NONO: variants seen among roughly 807,000 people sequenced by gnomAD.
NONO encodes non-POU domain containing octamer binding, also known as non-POU domain-containing octamer-binding protein.
NONO carries 6 observed loss-of-function variants against 40.2 expected under a neutral mutation model. That is an observed-to-expected ratio of 0.15 (90% CI 0.08 to 0.29). The LOEUF (loss-of-function observed/expected upper bound fraction) is 0.29. NONO is among the 10% of genes least tolerant of loss of function. The pLI, the probability that NONO is intolerant of heterozygous loss-of-function variation, is 1.00. For synonymous variants in NONO, 89 were observed against 123.3 expected, an observed-to-expected ratio of 0.72 and a Z score of 1.85; for missense variants, 133 against 397.8, an observed-to-expected ratio of 0.33 and a Z score of 5.66.
chrX:71,285,127 G>T (rs1467484405), intron 2 of NONO: 1 of 112,135 alleles, frequency 8.9e-6, no homozygotes, highest in Non-Finnish European at 1.9e-5. Context: ...CACTGTTATA[G>T]GTGCTTTATT....
At chrX:71,297,803 C>T in intron 8 of NONO, 33 bp from the exon 9 acceptor site, 2 of 1,080,494 alleles carry the variant, frequency 1.9e-6, no homozygotes, top group Non-Finnish European at 2.6e-6. Flanking sequence ...TCTGAAATGC[C>T]TCTGTCTTAA....
At chrX:71,292,223 G>A (rs182843297) in intron 4 of NONO, 3 of 206,454 alleles carry the variant, frequency 1.5e-5, no homozygotes, top group Non-Finnish European at 2.6e-5. Context: ...TTGAGACGGA[G>A]TATCACTCTT....
intron 9 of NONO, 105 bp from the exon 10 acceptor site, chrX:71,298,364 G>T: frequency 1.4e-6 from 1 of 691,316 alleles, no homozygotes; most frequent in Non-Finnish European, 2.4e-6. Context: ...AGTGCTGTTT[G>T]GACGTGTTAT....
rs779381382 is a variant in NONO, at chrX:71,294,562, G to C, written c.650+34G>C. ...GGGTCATTTTCAGACGTAGACCTTA[G>C]ATTGCTAATTCCTTCCATGGTCTGG... On this transcript the variant is annotated intron_variant, in intron 5 of 11. Transcript: ENST00000276079. 25 of 1,143,361 alleles carry C rather than the reference G, an allele frequency of 2.2e-5. No individual in the cohort carries two copies. The Admixed American group carries it at 2.2e-4, about 10-fold the overall frequency. The allele number at this position is 1,143,361 out of a possible 1,213,427, so 94.2% of individuals were successfully genotyped here. A position where few individuals can be genotyped will look rare whatever the true frequency, so the allele number is the denominator to read the frequency against.
chrX:71,290,413 C>T (rs2148031918), intron 2 of NONO, among the ~76,000 whole-genome samples: 1 of 111,293 alleles, frequency 9.0e-6, no homozygotes, highest in African/African-American at 3.3e-5. Context: ...TTTGTAACCT[C>T]CAGAACGCAA....
chrX:71,293,909 C>T (rs776356190), intron 4 of NONO: 18 of 240,504 alleles, frequency 7.5e-5, no homozygotes, highest in Non-Finnish European at 1.3e-4. Flanking sequence ...GGATTACAGG[C>T]GTGAGCCACC....
intron 11 of NONO, 125 bp downstream of exon 11, chrX:71,298,941 G>A: frequency 2.0e-6 from 1 of 498,582 alleles, no homozygotes; most frequent in South Asian, 3.2e-5. Flanking sequence ...TTTTTTTGGA[G>A]ACAGAGTTTC....
rs1206368575 is a variant in NONO at position 71,300,447 on chromosome X, T to TA, written c.*372dup. 3.9e-6 allele frequency: 1 copy of TA among 256,514 alleles called. No homozygotes were observed. Among genetic ancestry groups the TA allele is most frequent in the African/African-American group, 3.0e-5 (1 of 33,334 alleles). The allele number at this position is 256,514 out of a possible 1,213,427, so 21.1% of individuals were successfully genotyped here. On this transcript the variant is annotated 3_prime_UTR_variant, in exon 12 of 12. Transcript: ENST00000276079. ...TTGCCCCGCCCCCGAGACGGAGTCTTACTCTGTCGCCCAGGCTGGAGTGTA... is the reference window on the plus strand; with the variant it reads ...TTGCCCCGCCCCCGAGACGGAGTCTTAACTCTGTCGCCCAGGCTGGAGTGTA...
chrX:71,296,145 C>CTT (rs757644657), intron 5 of NONO, among the ~76,000 whole-genome samples: 59 of 93,927 alleles, frequency 6.3e-4, no homozygotes, highest in East Asian at 1.9e-3. Flanking sequence ...TTTTTCTTTT[C>CTT]TTTTTTTTTT....
chrX:71,299,403 ACTTAAT>A (rs2031526683), intron 11 of NONO, among the ~76,000 whole-genome samples: 1 of 112,158 alleles, frequency 8.9e-6, no homozygotes. Context: ...CAGTCTCTAT[ACTTAAT>A]CTAGGAGTTA....
At chrX:71,289,037 C>G (rs2031264149) in intron 2 of NONO, among the ~76,000 whole-genome samples, 1 of 111,835 alleles carries the variant, frequency 8.9e-6, no homozygotes, top group Non-Finnish European at 1.9e-5. Context: ...TAGTCTTTGT[C>G]CTTGTGATAA....
rs181320766 is a variant in NONO at position 71,289,921 on chromosome X, G to A, written c.-9-708G>A. Among the ~76,000 whole-genome samples the A allele has an allele frequency of 5.9e-4, 66 of 111,234 alleles. 1 individual carries two copies. Among genetic ancestry groups the A allele is most frequent in the Middle Eastern group, 9.2e-3 (2 of 217 alleles). On this transcript the variant is annotated intron_variant, in intron 2 of 11. Transcript: ENST00000276079. ...CAAGTAGCTGGGATTACAGGCGCCC[G>A]CTACCATTCCTGGGTAGTTGTATTT... is the stretch of plus-strand genomic sequence containing the variant.
intron 2 of NONO, among the ~76,000 whole-genome samples, chrX:71,284,747 C>T (rs2031152146): frequency 8.9e-6 from 1 of 111,862 alleles, no homozygotes; most frequent in African/African-American, 3.2e-5. Context: ...GCTGGCCATC[C>T]AGGCAGCCAT....
At chrX:71,299,295 C>T (rs1443034708) in intron 11 of NONO, among the ~76,000 whole-genome samples, 4 of 112,113 alleles carry the variant, frequency 3.6e-5, no homozygotes, top group South Asian at 3.7e-4. Context: ...GGATTACTGG[C>T]GTGAGCCACC....
Position 71,297,869 on chromosome X carries a change from G to C in NONO, c.1062G>C (p.Glu354Asp). The change falls in exon 9 of 12, where the codon GAG becomes GAC. Residue 354 changes from glutamate (E) to aspartate (D), a missense_variant. Glu to Asp is a conservative substitution (Grantham distance 45). Transcript: ENST00000276079. The stretch of plus-strand genomic sequence containing the variant: ...AAGAGCGCAGGCGCCGTGAAGAAGA[G>C]ATGCGGCGGCAGCAAGAAGAAATGA... ...QEEERRRREE[E>D]MRRQQEEMMR... The C allele has an allele frequency of 8.3e-7, 1 of 1,209,948 alleles. No homozygotes were observed. Among genetic ancestry groups the C allele is most frequent in the Admixed American group, 2.2e-5 (1 of 45,974 alleles).
chrX:71,298,129 C>CTGG (rs2031493490), intron 9 of NONO, 191 bp downstream of exon 9: 1 of 433,609 alleles, frequency 2.3e-6, no homozygotes, highest in South Asian at 3.9e-5. Context: ...GGATGAAAAA[C>CTGG]TGGGTCTGCT....
chrX:71,291,045 A>C (rs1489778455), intron 3 of NONO, among the ~76,000 whole-genome samples: 1 of 112,662 alleles, frequency 8.9e-6, no homozygotes, highest in Non-Finnish European at 1.9e-5. Flanking sequence ...AGATGTCTGC[A>C]TGTTTTACCT....
chrX:71,297,618 T>C (rs1339646318), intron 8 of NONO, 157 bp downstream of exon 8: 2 of 508,076 alleles, frequency 3.9e-6, no homozygotes, highest in Non-Finnish European at 6.6e-6. Flanking sequence ...ATGTTTTAGC[T>C]GCCCATGGTC....
At chrX:71,298,254 C>T in intron 9 of NONO, 1 of 450,534 alleles carries the variant, frequency 2.2e-6, no homozygotes, top group South Asian at 3.4e-5. Context: ...CCCCCTTTCA[C>T]CTCTCTGTTG....
Sources: gnomAD v4.1 joint callset for allele counts (sites outside exome capture counted in the v4.1 genomes callset) on GRCh38, gnomAD v4.1.1 for gene constraint, MANE v1.5 for transcripts, NCBI Gene and HGNC (gene_info 2026-07-23, HGNC 2026-07-21) for gene names.